The following KMT2C variants were observed in gnomAD, a reference collection of about 807,000 sequenced individuals.
The protein encoded by KMT2C is histone-lysine N-methyltransferase 2C.
In KMT2C, 88 loss-of-function variants were observed where a neutral mutation model predicts 507.9. The ratio of observed to expected loss-of-function variants is 0.17; its 90% CI spans 0.15 to 0.21. The LOEUF is 0.21. Among genes scored for constraint, KMT2C ranks in the 10% least tolerant of loss-of-function variants. The probability of loss-of-function intolerance (pLI) is 1.00; values close to 1 mark genes in which losing one functional copy is unlikely to be tolerated. For synonymous variants in KMT2C, 2,049 were observed against 2,080.8 expected (o/e 0.98, Z 0.42); for missense variants, 4,954 against 5,957.8 (o/e 0.83, Z 5.55).
chr7:152,292,720 C>T (rs2096448239), intron 6 of KMT2C, among the ~76,000 whole-genome samples: 3 of 152,186 alleles, frequency 2.0e-5, no homozygotes, highest in Admixed American at 2.0e-4. Context: ...CCTAAATAAA[C>T]TTCTATAGCA....
At chr7:152,233,214 T>G (rs1270522169) in intron 16 of KMT2C, among the ~76,000 whole-genome samples, 3 of 152,216 alleles carry the variant, frequency 2.0e-5, no homozygotes, top group Non-Finnish European at 2.9e-5. Context: ...ACCCACTGTT[T>G]TTATTTTATA....
intron 1 of KMT2C, among the ~76,000 whole-genome samples, chr7:152,422,284 TAA>T (rs11423616): frequency 4.0e-4 from 39 of 97,334 alleles, no homozygotes; most frequent in Admixed American, 9.0e-4. Context: ...CAGTCTCTAC[TAA>T]AAAAAAAAAA....
Position 152,181,496 on chromosome 7 carries a change from T to C in KMT2C, c.6364A>G (p.Ile2122Val), listed in dbSNP as rs1466961942. The C allele has an allele frequency of 1.2e-6, 2 of 1,614,074 alleles. No homozygotes were observed. Among genetic ancestry groups the C allele is most frequent in the Admixed American group, 1.7e-5 (1 of 60,000 alleles). ...GGGTCCTGAGATGTTGGCCTTGATA[T>C]GGTTCCAGGCTGGGAAAAAGCCCTT... ...PSRAFSQPGT[I>V]SRPTSQDPYS... Residue 2122 changes from isoleucine (I) to valine (V), a missense_variant, in exon 36 of 59, where the codon ATA becomes GTA. Ile to Val is a conservative substitution (Grantham distance 29). Coordinates refer to ENST00000262189, the MANE Select transcript of KMT2C (RefSeq NM_170606.3).
intron 6 of KMT2C, among the ~76,000 whole-genome samples, chr7:152,292,345 CAT>C (rs1199024273): frequency 1.3e-5 from 2 of 152,134 alleles, no homozygotes; most frequent in Admixed American, 6.6e-5. Context: ...CACACACACA[CAT>C]ACTGACAAAC....
At chr7:152,380,287 G>T (rs1446798651) in intron 1 of KMT2C, among the ~76,000 whole-genome samples, 2 of 150,444 alleles carry the variant, frequency 1.3e-5, no homozygotes, top group Non-Finnish European at 3.0e-5. Context: ...AAAAAACTAG[G>T]CTGGGCACAG....
In KMT2C at chr7:152,180,857, A is replaced by G; in HGVS notation, c.7003T>C (p.Cys2335Arg). 1 of 1,614,234 alleles carries G rather than the reference A, an allele frequency of 6.2e-7. No homozygotes were observed. The highest frequency in any genetic ancestry group is 8.5e-7 in the Non-Finnish European group (1 of 1,180,038). ...TGCATTGGAGAGTTTGAAGATGCAC[A>G]GAAGCTCCCCTCTGATCCAGGCCTT... ...QPRPGSEGSF[C>R]ASSNSPMHSQ... Residue 2335 changes from cysteine to arginine, a missense_variant, in exon 36 of 59, where the codon TGT (cysteine) becomes CGT (arginine). Coordinates refer to ENST00000262189, the MANE Select transcript of KMT2C (RefSeq NM_170606.3).
At chr7:152,422,588 CAT>C (rs997576600) in intron 1 of KMT2C, among the ~76,000 whole-genome samples, 2 of 152,168 alleles carry the variant, frequency 1.3e-5, no homozygotes, top group African/African-American at 2.4e-5. Context: ...AATTCTCACA[CAT>C]GAGAAAATTA....
At chr7:152,383,501 G>A (rs1406214395) in intron 1 of KMT2C, among the ~76,000 whole-genome samples, 2 of 152,170 alleles carry the variant, frequency 1.3e-5, no homozygotes, top group African/African-American at 4.8e-5. Flanking sequence ...CTAAGGGGAA[G>A]GACAGGAAGC....
At chr7:152,286,286 A>C (rs2096296071) in intron 6 of KMT2C, among the ~76,000 whole-genome samples, 1 of 152,308 alleles carries the variant, frequency 6.6e-6, no homozygotes, top group South Asian at 2.1e-4. Flanking sequence ...ATTTGGTGAA[A>C]AATATCAACT....
At chr7:152,283,190 G>C (rs1588889065) in intron 6 of KMT2C, among the ~76,000 whole-genome samples, 2 of 152,026 alleles carry the variant, frequency 1.3e-5, no homozygotes, top group Non-Finnish European at 2.9e-5. Context: ...ATTCTTAAAA[G>C]CTCATAATGT....
intron 7 of KMT2C, among the ~76,000 whole-genome samples, chr7:152,267,595 T>G (rs1269228360): frequency 6.6e-6 from 1 of 152,232 alleles, no homozygotes; most frequent in African/African-American, 2.4e-5. Context: ...TGCAATTACC[T>G]TTGTACCTAC....
rs780725159 is a variant in KMT2C at position 152,176,534 on chromosome 7, C to A, written c.8919G>T (p.Val2973=). 6.2e-7 allele frequency: 1 copy of A among 1,613,998 alleles called. No individual in the cohort carries two copies. The highest frequency in any genetic ancestry group is 1.7e-5 in the Admixed American group (1 of 60,002). Reference sequence around the variant, plus strand: ...CATGGTTTACCCTAGAGACTACTGTCACATTAGAATTCATGGCATTATCCA... The same window carrying A: ...CATGGTTTACCCTAGAGACTACTGTAACATTAGAATTCATGGCATTATCCA... ...RVLDNAMNSN[V]TVVSRVNHVF... is the part of the protein sequence containing the mutation. Residue 2973 remains valine (V), a synonymous_variant, in exon 38 of 59, where the codon GTG becomes GTT. Coordinates refer to ENST00000262189, the MANE Select transcript of KMT2C (RefSeq NM_170606.3).
chr7:152,152,881 C>A lies in KMT2C; in HGVS notation c.12350G>T (p.Ser4117Ile). 6.2e-7 allele frequency: 1 copy of A among 1,614,184 alleles called. No individual in the cohort carries two copies. The highest frequency in any genetic ancestry group is 8.5e-7 in the Non-Finnish European group (1 of 1,180,024). Residue 4117 changes from serine (S) to isoleucine (I), a missense_variant, in exon 49 of 59, where the codon AGT becomes ATT. By Grantham distance (142) the Ser-to-Ile change is moderately radical. Transcript: ENST00000262189. Reference protein sequence around the residue: ...VRIPNSYEVSSAPDVPSMGLV... With the variant: ...VRIPNSYEVSIAPDVPSMGLV... ...ACCCATGGATGGGACATCTGGAGCA[C>A]TGCTAACCTCATAGCTGTTAGGGAT...
At chr7:152,151,090 T>C (rs1401383316) in intron 50 of KMT2C, 83 bp from the exon 51 acceptor site, 6 of 803,658 alleles carry the variant, frequency 7.5e-6, no homozygotes, top group Non-Finnish European at 1.2e-5. Flanking sequence ...TTTTATGTTA[T>C]ATTCAAAAGT....
At chr7:152,383,395 C>T (rs2097391862) in intron 1 of KMT2C, among the ~76,000 whole-genome samples, 2 of 152,180 alleles carry the variant, frequency 1.3e-5, no homozygotes, top group South Asian at 4.1e-4. Context: ...TTCCTACATT[C>T]CTGTAATCAA....
At chr7:152,355,282 A>G (rs1001000555) in intron 2 of KMT2C, among the ~76,000 whole-genome samples, 4 of 152,212 alleles carry the variant, frequency 2.6e-5, no homozygotes, top group African/African-American at 7.2e-5. Flanking sequence ...GGGTTTCAGG[A>G]TAACAACAAA....
At chr7:152,337,832 T>C (rs1430675659) in intron 2 of KMT2C, among the ~76,000 whole-genome samples, 1 of 152,046 alleles carries the variant, frequency 6.6e-6, no homozygotes, top group Non-Finnish European at 1.5e-5. Flanking sequence ...TGGATTCACT[T>C]GTCCACCTCA....
At chr7:152,193,213 C>T (rs147316192) in intron 31 of KMT2C, among the ~76,000 whole-genome samples, 18 of 152,234 alleles carry the variant, frequency 1.2e-4, no homozygotes, top group African/African-American at 2.6e-4. Flanking sequence ...GTTATATACA[C>T]GCCACCATGC....
At chr7:152,194,292 T>A (rs2129129173) in intron 29 of KMT2C, 31 bp from the exon 30 acceptor site, 1 of 1,370,256 alleles carries the variant, frequency 7.3e-7, no homozygotes, top group Non-Finnish European at 1.0e-6. Context: ...AAAAGAAACA[T>A]TAACAGCTAC....
Sources: gnomAD v4.1 joint callset for allele counts (sites outside exome capture counted in the v4.1 genomes callset) on GRCh38, gnomAD v4.1.1 for gene constraint, MANE v1.5 for transcripts, NCBI Gene and HGNC (gene_info 2026-07-23, HGNC 2026-07-21) for gene names.